Variants in NRG3 observed in about 807,000 individuals in gnomAD.
NRG3 encodes pro-neuregulin-3, membrane-bound isoform.
A neutral mutation model predicts 66.9 loss-of-function variants in NRG3; 31 were observed. The observed-to-expected ratio is 0.46, with a 90% CI of 0.35 to 0.63. The LOEUF is 0.63. Ranked by LOEUF, NRG3 falls within the 20% of genes least tolerant of loss-of-function variation. The pLI is 0.00. For synonymous variants in NRG3, 393 were observed against 359.4 expected, an observed-to-expected ratio of 1.09 and a Z score of -1.06; for missense variants, 910 against 878.9, an observed-to-expected ratio of 1.04 and a Z score of -0.45.
At chr10:82,683,392 T>C (rs1211845433) in intron 2 of NRG3, among the ~76,000 whole-genome samples, 2 of 152,074 alleles carry the variant, frequency 1.3e-5, no homozygotes, top group Non-Finnish European at 2.9e-5. Flanking sequence ...ACCTTGTATA[T>C]AGTAGCATCA....
chr10:82,743,560 A>G (rs1348637151), intron 3 of NRG3, among the ~76,000 whole-genome samples: 1 of 152,150 alleles, frequency 6.6e-6, no homozygotes, highest in African/African-American at 2.4e-5. Context: ...AAATTTATAA[A>G]CACAGCCCCA....
chr10:82,263,047 AAAAAT>A (rs1447080258), intron 1 of NRG3, among the ~76,000 whole-genome samples: 1 of 152,188 alleles, frequency 6.6e-6, no homozygotes, highest in African/African-American at 2.4e-5. Context: ...GCTTTGTATA[AAAAAT>A]AAAATAAAAT....
At chr10:82,372,747 C>T (rs967331927) in intron 2 of NRG3, among the ~76,000 whole-genome samples, 2 of 152,120 alleles carry the variant, frequency 1.3e-5, no homozygotes, top group Non-Finnish European at 2.9e-5. Context: ...GCATGCACCA[C>T]CATGCTCAGC....
rs145343669 is a variant in NRG3, at chr10:82,242,958, G to A, written c.824-115781G>A. ...GAACAGAAAGTGTTAAGGACTTCCC[G>A]TTAGGGCTCGTGCTTAAGCCTCAGG... is the stretch of plus-strand genomic sequence containing the variant. On this transcript the variant is annotated intron_variant, in intron 1 of 8. Coordinates refer to ENST00000372141, the MANE Select transcript of NRG3 (RefSeq NM_001010848.4). 4.7e-3 allele frequency among the ~76,000 whole-genome samples: 710 copies of A among 152,266 alleles called. 4 individuals carry two copies. The highest frequency in any genetic ancestry group is 0.015 in the African/African-American group (630 of 41,562).
chr10:82,854,104 G>A (rs139905617), intron 3 of NRG3, among the ~76,000 whole-genome samples: 320 of 152,198 alleles, frequency 2.1e-3, no homozygotes, highest in African/African-American at 7.3e-3. Context: ...CACTAGAGGC[G>A]GAAGAAAATC....
At chr10:81,883,051 C>CT (rs1842322074) in intron 1 of NRG3, among the ~76,000 whole-genome samples, 1 of 152,034 alleles carries the variant, frequency 6.6e-6, no homozygotes, top group South Asian at 2.1e-4. Flanking sequence ...AAAATATGTC[C>CT]TAGGTGCCCT....
At chr10:82,930,511 T>G (rs1370325949) in intron 4 of NRG3, among the ~76,000 whole-genome samples, 1 of 152,170 alleles carries the variant, frequency 6.6e-6, no homozygotes, top group Non-Finnish European at 1.5e-5. Context: ...GTGGATAATA[T>G]GCCTTAACTG....
chr10:82,027,073 C>CT (rs1274101745), intron 1 of NRG3, among the ~76,000 whole-genome samples: 4 of 152,006 alleles, frequency 2.6e-5, no homozygotes, highest in Non-Finnish European at 5.9e-5. Context: ...CAACATGAAA[C>CT]TTTTTGTCAA....
intron 1 of NRG3, among the ~76,000 whole-genome samples, chr10:81,895,422 C>T (rs931335220): frequency 2.6e-5 from 4 of 152,242 alleles, no homozygotes; most frequent in African/African-American, 9.6e-5. Flanking sequence ...TTTTAAGCCC[C>T]GCCCCTGCCC....
chr10:82,445,458 G>T (rs779459902), intron 2 of NRG3, among the ~76,000 whole-genome samples: 1 of 152,084 alleles, frequency 6.6e-6, no homozygotes, highest in Non-Finnish European at 1.5e-5. Flanking sequence ...TCTATCCTAG[G>T]TTCATCTAGA....
intron 1 of NRG3, among the ~76,000 whole-genome samples, chr10:82,096,440 C>T (rs969305917): frequency 2.6e-5 from 4 of 152,030 alleles, no homozygotes; most frequent in Admixed American, 1.3e-4. Flanking sequence ...TGCACTCCTG[C>T]ACTCCAGCCT....
At chr10:82,587,716 G>A (rs1245273483) in intron 2 of NRG3, among the ~76,000 whole-genome samples, 3 of 152,146 alleles carry the variant, frequency 2.0e-5, no homozygotes, top group African/African-American at 7.2e-5. Flanking sequence ...ATGAATCAGA[G>A]AGCACAGGGG....
In NRG3 at chr10:82,772,594, G is replaced by T. The variant is rs1427344541; in HGVS notation, c.1027+33944G>T. On this transcript the variant is annotated intron_variant, in intron 3 of 8. Coordinates refer to ENST00000372141, the MANE Select transcript of NRG3 (RefSeq NM_001010848.4). ...ATCATGCAATATGTTTTCTGTCTGT[G>T]TTTGGCTTATTTCACTTAACATAAG... Among the ~76,000 whole-genome samples, 3 of 150,748 alleles carry T rather than the reference G, an allele frequency of 2.0e-5. No homozygotes were observed. In the East Asian group the frequency reaches 5.9e-4, roughly 29 times the overall value.
intron 1 of NRG3, among the ~76,000 whole-genome samples, chr10:82,210,685 G>A (rs1466994516): frequency 1.3e-5 from 2 of 151,978 alleles, no homozygotes; most frequent in Non-Finnish European, 2.9e-5. Context: ...ATGGAGGGGA[G>A]AAAACACCCT....
chr10:82,492,417 C>T (rs1177134951), intron 2 of NRG3, among the ~76,000 whole-genome samples: 3 of 152,142 alleles, frequency 2.0e-5, no homozygotes, highest in Admixed American at 6.5e-5. Flanking sequence ...AATTAAGTAA[C>T]ACTCTCTGGT....
At chr10:82,902,098 A>G (rs1246273716) in intron 4 of NRG3, among the ~76,000 whole-genome samples, 3 of 152,182 alleles carry the variant, frequency 2.0e-5, no homozygotes, top group Non-Finnish European at 4.4e-5. Context: ...TATTGCATAT[A>G]TTTCATATAC....
At chr10:82,935,038 A>G (rs938622090) in intron 4 of NRG3, among the ~76,000 whole-genome samples, 15 of 152,176 alleles carry the variant, frequency 9.9e-5, no homozygotes, top group African/African-American at 3.4e-4. Flanking sequence ...GTGAATCAGG[A>G]TTTTCCATTC....
chr10:82,150,528 C>CAAAAGAAAAAAAAAAAAAAAAAAA (rs1264827514), intron 1 of NRG3, among the ~76,000 whole-genome samples: 1 of 51,738 alleles, frequency 1.9e-5, no homozygotes, highest in African/African-American at 8.6e-5. Flanking sequence ...AAAGAGCACA[C>CAAAAGAAAAAAAAAAAAAAAAAAA]ACAAAAAAAA....
At chr10:82,412,116 G>A (rs1231596492) in intron 2 of NRG3, among the ~76,000 whole-genome samples, 3 of 152,056 alleles carry the variant, frequency 2.0e-5, no homozygotes, top group Non-Finnish European at 4.4e-5. Context: ...GTGTCTTAAT[G>A]TGTTATAGTA....
Sources: gnomAD v4.1 joint callset for allele counts (sites outside exome capture counted in the v4.1 genomes callset) on GRCh38, gnomAD v4.1.1 for gene constraint, MANE v1.5 for transcripts, NCBI Gene and HGNC (gene_info 2026-07-23, HGNC 2026-07-21) for gene names.